Variants in CSMD1 observed in about 807,000 individuals in gnomAD.
The protein encoded by CSMD1 is CUB and sushi domain-containing protein 1.
CSMD1 carries 213 observed loss-of-function variants against 417.5 expected under a neutral mutation model. The observed-to-expected ratio is 0.51, with a 90% CI of 0.46 to 0.57. CSMD1 has a LOEUF of 0.57. Ranked by LOEUF, CSMD1 falls within the 20% of genes least tolerant of loss-of-function variation. The pLI, the probability that CSMD1 is intolerant of heterozygous loss-of-function variation, is 0.00. For synonymous variants in CSMD1, 2,862 were observed against 1,736.8 expected, an observed-to-expected ratio of 1.65 and a Z score of -16.11; for missense variants, 6,923 against 4,529.7, an observed-to-expected ratio of 1.53 and a Z score of -15.17.
At chr8:4,479,668 G>C (rs570767913) in intron 2 of CSMD1, among the ~76,000 whole-genome samples, 24 of 152,112 alleles carry the variant, frequency 1.6e-4, no homozygotes, top group African/African-American at 5.3e-4. Flanking sequence ...GATCCAGGTG[G>C]GTAGACCACG....
chr8:3,338,900 A>G (rs553059821), intron 23 of CSMD1, among the ~76,000 whole-genome samples: 12 of 150,952 alleles, frequency 7.9e-5, no homozygotes, highest in Admixed American at 7.9e-4. Flanking sequence ...TTAGTTACAT[A>G]TGTATACATG....
At chr8:4,008,807 T>A (rs1816333889) in intron 4 of CSMD1, among the ~76,000 whole-genome samples, 1 of 151,864 alleles carries the variant, frequency 6.6e-6, no homozygotes, top group Non-Finnish European at 1.5e-5. Context: ...AGACGGGATT[T>A]CAATGTGTTA....
chr8:3,868,288 G>T (rs919841758), intron 5 of CSMD1, among the ~76,000 whole-genome samples: 1 of 151,918 alleles, frequency 6.6e-6, no homozygotes, highest in Non-Finnish European at 1.5e-5. Context: ...CTTTTCAGTC[G>T]CCCTGCTTGC....
intron 3 of CSMD1, among the ~76,000 whole-genome samples, chr8:4,178,417 G>C (rs574528845): frequency 1.3e-5 from 2 of 151,044 alleles, no homozygotes; most frequent in African/African-American, 2.4e-5. Context: ...ATTAGGTATT[G>C]ATGGGACGTA....
chr8:3,096,383 T>C (rs1426755257), intron 47 of CSMD1, among the ~76,000 whole-genome samples: 3 of 152,154 alleles, frequency 2.0e-5, no homozygotes, highest in South Asian at 2.1e-4. Flanking sequence ...GTTCTCCTGA[T>C]AGTAAGTCCC....
chr8:3,653,305 G>C (rs1013733813), intron 7 of CSMD1, among the ~76,000 whole-genome samples: 1 of 151,990 alleles, frequency 6.6e-6, no homozygotes, highest in Admixed American at 6.6e-5. Flanking sequence ...AAAGTTATGG[G>C]GGTTCTTTTG....
intron 1 of CSMD1, among the ~76,000 whole-genome samples, chr8:4,786,851 C>T (rs1170356879): frequency 6.6e-6 from 1 of 152,108 alleles, no homozygotes; most frequent in Non-Finnish European, 1.5e-5. Context: ...ATGAATGATA[C>T]TTCCAAGAAA....
At chr8:2,951,061 A>T in intron 66 of CSMD1, 53 bp downstream of exon 66, 1 of 1,554,536 alleles carries the variant, frequency 6.4e-7, no homozygotes, top group East Asian at 2.2e-5. Context: ...GTGAAAAGAT[A>T]ACAGGTCTAT....
At chr8:3,813,838 G>C (rs751634793) in intron 5 of CSMD1, among the ~76,000 whole-genome samples, 2 of 152,058 alleles carry the variant, frequency 1.3e-5, no homozygotes, top group Non-Finnish European at 2.9e-5. Context: ...TGAAAGCTTC[G>C]AAGTTTATGT....
intron 1 of CSMD1, among the ~76,000 whole-genome samples, chr8:4,894,262 C>A (rs1162649033): frequency 6.6e-6 from 1 of 152,012 alleles, no homozygotes; most frequent in Admixed American, 6.6e-5. Flanking sequence ...TTTTACCTAT[C>A]AAGTCTTTTG....
intron 33 of CSMD1, among the ~76,000 whole-genome samples, chr8:3,194,168 T>A (rs983782): frequency 0.24 from 36,411 of 152,066 alleles, 4,542 homozygotes; most frequent in African/African-American, 0.29. Flanking sequence ...AAGAATATGC[T>A]TTTTATAGGC....
intron 3 of CSMD1, among the ~76,000 whole-genome samples, chr8:4,338,491 G>C (rs576808522): frequency 1.3e-5 from 2 of 152,040 alleles, no homozygotes; most frequent in East Asian, 3.9e-4. Context: ...AATCTACCTC[G>C]GGATATTGTA....
chr8:4,305,845 G>T (rs182924890), intron 3 of CSMD1, among the ~76,000 whole-genome samples: 1 of 152,256 alleles, frequency 6.6e-6, no homozygotes, highest in East Asian at 1.9e-4. Context: ...TGCCGATCTT[G>T]TATGGATCCC....
rs578201699 is a variant in CSMD1, at chr8:3,888,133, T to A, written c.818+109770A>T. Among the ~76,000 whole-genome samples, 3 of 152,310 alleles carry A rather than the reference T, an allele frequency of 2.0e-5. No homozygotes were observed. The East Asian group carries it at 5.8e-4, about 29-fold the overall frequency. On this transcript the variant is annotated intron_variant, in intron 5 of 69. Transcript: ENST00000635120. ...CTTTGCCTAAGTGGGATAACATGGA[T>A]AACTAACATCATTTGTATGCAATGT...
chr8:3,777,441 G>A (rs1373640216), intron 5 of CSMD1, among the ~76,000 whole-genome samples: 1 of 152,156 alleles, frequency 6.6e-6, no homozygotes, highest in Non-Finnish European at 1.5e-5. Flanking sequence ...CCTCAGGCAG[G>A]CTTCAAAGGG....
intron 10 of CSMD1, among the ~76,000 whole-genome samples, chr8:3,515,011 T>G (rs943565188): frequency 6.6e-6 from 1 of 152,206 alleles, no homozygotes; most frequent in Non-Finnish European, 1.5e-5. Flanking sequence ...AATTAAAGCC[T>G]AACATTTAAT....
At chr8:4,831,662 G>C (rs1235341477) in intron 1 of CSMD1, among the ~76,000 whole-genome samples, 1 of 152,128 alleles carries the variant, frequency 6.6e-6, no homozygotes, top group Non-Finnish European at 1.5e-5. Context: ...ATGATACTCT[G>C]ATTTTTGTTC....
chr8:4,011,577 C>G (rs759367810), intron 4 of CSMD1, among the ~76,000 whole-genome samples: 5 of 152,136 alleles, frequency 3.3e-5, no homozygotes, highest in Non-Finnish European at 7.4e-5. Context: ...AGAGTCAGTT[C>G]CTAGGATTCA....
In CSMD1 at chr8:4,711,426, G is replaced by T. The variant is rs889255987; in HGVS notation, c.86-73868C>A. Among the ~76,000 whole-genome samples the T allele has an allele frequency of 3.1e-4, 47 of 152,180 alleles. 1 individual carries two copies. The highest frequency in any genetic ancestry group is 2.0e-3 in the Admixed American group (31 of 15,292). ...TGATTCTCAGAAGACAAATTGTTTA[G>T]TAATAGCTGCATTTTCAAACAAAGG... is the stretch of plus-strand genomic sequence containing the variant. On this transcript the variant is annotated intron_variant, in intron 1 of 69. Transcript: ENST00000635120.
Sources: allele counts gnomAD v4.1 joint callset (sites outside exome capture counted in the v4.1 genomes callset), GRCh38; gene constraint gnomAD v4.1.1; transcripts MANE v1.5; gene names NCBI Gene and HGNC (gene_info 2026-07-23, HGNC 2026-07-21).